Variants in CCDC62 observed in about 807,000 individuals in gnomAD.
The protein encoded by CCDC62 is coiled-coil domain-containing protein 62.
In CCDC62, 72 loss-of-function variants were observed where a neutral mutation model predicts 80.8. That is an observed-to-expected ratio of 0.89 (90% confidence interval 0.74 to 1.08). The LOEUF (loss-of-function observed/expected upper bound fraction) is 1.08, where lower values mean the gene tolerates loss of function less well. Among genes scored for constraint, CCDC62 ranks in the 50% least tolerant of loss-of-function variants. The probability of loss-of-function intolerance (pLI) is 0.00; values close to 1 mark genes in which losing one functional copy is unlikely to be tolerated. For synonymous variants in CCDC62, 286 were observed against 296.5 expected (o/e 0.96, Z 0.36); for missense variants, 704 against 809.4 (o/e 0.87, Z 1.58).
intron 11 of CCDC62, 101 bp downstream of exon 11, chr12:122,813,520 G>GAAACTCTA: frequency 9.0e-7 from 1 of 1,108,818 alleles, no homozygotes. Context: ...TCTGTTAGAG[G>GAAACTCTA]GAGAGTTTCT....
chr12:122,808,980 G>T (rs1221542139), intron 10 of CCDC62, among the ~76,000 whole-genome samples: 1 of 152,144 alleles, frequency 6.6e-6, no homozygotes, highest in East Asian at 1.9e-4. Flanking sequence ...TCTCAGTGTG[G>T]TTTTAACTTT....
intron 4 of CCDC62, 22 bp downstream of exon 4, chr12:122,785,842 TC>T: frequency 6.7e-7 from 1 of 1,490,904 alleles, no homozygotes; most frequent in South Asian, 1.1e-5. Context: ...TAAGAATTCC[TC>T]CATTTGCCAG....
chr12:122,812,554 C>T (rs1019768980), intron 10 of CCDC62, among the ~76,000 whole-genome samples: 1 of 141,634 alleles, frequency 7.1e-6, no homozygotes, highest in African/African-American at 2.6e-5. Context: ...TTCTGGCTAA[C>T]GTGGTGAAAC....
At chr12:122,820,713 G>A (rs769409211) in intron 11 of CCDC62, among the ~76,000 whole-genome samples, 1 of 151,520 alleles carries the variant, frequency 6.6e-6, no homozygotes. Flanking sequence ...GCATGGTGGC[G>A]TGCCGTAATC....
chr12:122,818,180 C>T (rs1481912506), intron 11 of CCDC62, among the ~76,000 whole-genome samples: 1 of 151,908 alleles, frequency 6.6e-6, no homozygotes, highest in Non-Finnish European at 1.5e-5. Flanking sequence ...TGGCCAGGCG[C>T]GGTGGCTCAC....
intron 11 of CCDC62, among the ~76,000 whole-genome samples, chr12:122,822,637 G>A (rs1414156972): frequency 7.8e-6 from 1 of 127,994 alleles, no homozygotes; most frequent in South Asian, 2.4e-4. Context: ...GCAGTGGTGC[G>A]ATCTTGGCTC....
intron 10 of CCDC62, among the ~76,000 whole-genome samples, chr12:122,812,821 AAGAAAG>A (rs1213959431): frequency 6.7e-6 from 1 of 149,280 alleles, no homozygotes; most frequent in Non-Finnish European, 1.5e-5. Flanking sequence ...GAAAGAAAGA[AAGAAAG>A]AAAAGGAATG....
chr12:122,798,957 G>A (rs376085577), intron 8 of CCDC62, among the ~76,000 whole-genome samples: 2 of 152,006 alleles, frequency 1.3e-5, no homozygotes, highest in East Asian at 3.9e-4. Context: ...GCAGGCGCCT[G>A]TAGTCCCAGC....
intron 6 of CCDC62, among the ~76,000 whole-genome samples, chr12:122,793,928 C>G (rs1390772448): frequency 6.6e-6 from 1 of 152,168 alleles, no homozygotes; most frequent in Admixed American, 6.6e-5. Context: ...ATATTTGTAG[C>G]TTTACAGTTG....
chr12:122,827,122 T>A lies in CCDC62; in HGVS notation c.*741T>A, dbSNP rs2032665396. On this transcript the variant is annotated 3_prime_UTR_variant, in exon 13 of 13. Transcript: ENST00000253079. ...ATTTTAACTTGTAAAGTAATTTAATTTTTTAAAGATTATACTATATGCCTC... is the reference window on the plus strand; with the variant it reads ...ATTTTAACTTGTAAAGTAATTTAATATTTTAAAGATTATACTATATGCCTC... 6.6e-6 allele frequency: 1 copy of A among 152,208 alleles called. No individual in the cohort carries two copies. The allele number at this position is 152,208 out of a possible 1,614,324, so 9.4% of individuals were successfully genotyped here.
At chr12:122,787,940 T>C (rs144873024) in intron 4 of CCDC62, among the ~76,000 whole-genome samples, 262 of 152,284 alleles carry the variant, frequency 1.7e-3, no homozygotes, top group African/African-American at 6.0e-3. Flanking sequence ...CTGTACTTAT[T>C]AGAACGGTTA....
At chr12:122,820,012 T>C (rs1042887465) in intron 11 of CCDC62, among the ~76,000 whole-genome samples, 3 of 128,734 alleles carry the variant, frequency 2.3e-5, no homozygotes, top group Non-Finnish European at 4.6e-5. Context: ...CAGTGAGCTG[T>C]GATTGAGCAA....
chr12:122,823,713 A>G (rs540378476), intron 12 of CCDC62, among the ~76,000 whole-genome samples: 33 of 151,570 alleles, frequency 2.2e-4, no homozygotes, highest in African/African-American at 8.0e-4. Context: ...TAAAAAAAAA[A>G]AAAAAAAGGC....
chr12:122,823,853 G>T (rs2032506301), intron 12 of CCDC62, among the ~76,000 whole-genome samples: 1 of 152,028 alleles, frequency 6.6e-6, no homozygotes, highest in Non-Finnish European at 1.5e-5. Context: ...AGGCGCGGTA[G>T]TGGGCGCCTG....
chr12:122,806,408 T>TTG, intron 10 of CCDC62, 113 bp downstream of exon 10: 12 of 427,184 alleles, frequency 2.8e-5, no homozygotes, highest in African/African-American at 1.9e-4. Flanking sequence ...TCCTCCGTTT[T>TTG]TTTTTTTTTT....
At chr12:122,814,378 C>T (rs1265251499) in intron 11 of CCDC62, among the ~76,000 whole-genome samples, 1 of 151,406 alleles carries the variant, frequency 6.6e-6, no homozygotes, top group Non-Finnish European at 1.5e-5. Context: ...CACCTTTGAC[C>T]ACCATCGATT....
At chr12:122,795,676 G>A (rs879714004) in intron 6 of CCDC62, among the ~76,000 whole-genome samples, 5 of 152,152 alleles carry the variant, frequency 3.3e-5, no homozygotes, top group Non-Finnish European at 7.3e-5. Flanking sequence ...TGCCCACCTT[G>A]GCCTCCCAAA....
chr12:122,790,540 C>T (rs2030539706), intron 5 of CCDC62, among the ~76,000 whole-genome samples: 1 of 152,086 alleles, frequency 6.6e-6, no homozygotes, highest in Admixed American at 6.6e-5. Context: ...ATCCTGTAGT[C>T]CCAGCTACTC....
At chr12:122,794,439 C>T (rs531282236) in intron 6 of CCDC62, among the ~76,000 whole-genome samples, 1 of 152,262 alleles carries the variant, frequency 6.6e-6, no homozygotes, top group South Asian at 2.1e-4. Context: ...AAGAGATCCT[C>T]CTACCTCTGC....
Sources: allele counts gnomAD v4.1 joint callset (sites outside exome capture counted in the v4.1 genomes callset), GRCh38; gene constraint gnomAD v4.1.1; transcripts MANE v1.5; gene names NCBI Gene and HGNC (gene_info 2026-07-23, HGNC 2026-07-21).